MBIP: variants seen among roughly 807,000 people sequenced by gnomAD.
MBIP encodes the protein MAP3K12 binding inhibitory protein 1.
Under a neutral mutation model 45.7 loss-of-function variants are expected in MBIP, and 32 were observed. The ratio of observed to expected loss-of-function variants is 0.70; its 90% CI spans 0.53 to 0.94. The LOEUF is 0.94. MBIP is among the 40% of genes least tolerant of loss of function. The pLI is 0.00. For synonymous variants in MBIP, 145 were observed against 141.0 expected (o/e 1.03, Z -0.20); for missense variants, 381 against 405.5 (o/e 0.94, Z 0.52).
chr14:36,306,359 A>T (rs35977589), intron 7 of MBIP, among the ~76,000 whole-genome samples: 8,461 of 152,086 alleles, frequency 0.056, 764 homozygotes, highest in African/African-American at 0.19. Context: ...GGTTCAAGCG[A>T]TCCTCCTGCC....
intron 7 of MBIP, among the ~76,000 whole-genome samples, chr14:36,305,957 A>G (rs1365947622): frequency 6.6e-6 from 1 of 152,146 alleles, no homozygotes; most frequent in African/African-American, 2.4e-5. Flanking sequence ...CATCTAAGCT[A>G]GCATAATACT....
rs115960393 is a variant in MBIP at position 36,299,403 on chromosome 14, T to C, written c.928-213A>G. On this transcript the variant is annotated intron_variant, in intron 8 of 8. Transcript: ENST00000416007. The stretch of plus-strand genomic sequence containing the variant: ...AAATAACAAGGCTTAAATATTTCTT[T>C]TTCTCTTTTCTAATGACTAAGCTCT... Among the ~76,000 whole-genome samples, 1,350 of 152,198 alleles carry C rather than the reference T, an allele frequency of 8.9e-3. 27 individuals are homozygous for C. Among genetic ancestry groups the C allele is most frequent in the African/African-American group, 0.031 (1,300 of 41,502 alleles).
chr14:36,320,311 C>T, intron 1 of MBIP, 149 bp downstream of exon 1: 1 of 1,076,638 alleles, frequency 9.3e-7, no homozygotes. Context: ...ACCGAGGAGG[C>T]TGGGCCCGGG....
rs575342800 is a variant in MBIP at position 36,305,665 on chromosome 14, A to G, written c.888+2427T>C. On this transcript the variant is annotated intron_variant, in intron 7 of 8. Coordinates refer to ENST00000416007, the MANE Select transcript of MBIP (RefSeq NM_016586.3). ...ACTCTCACACTACACAGACTCTCCC[A>G]ATTGTCCCAAGTGTAAGTGCCGTAT... is the stretch of plus-strand genomic sequence containing the variant. Among the ~76,000 whole-genome samples, 11 of 152,208 alleles carry G rather than the reference A, an allele frequency of 7.2e-5. No individual in the cohort carries two copies. In the South Asian group the frequency reaches 1.0e-3, roughly 14 times the overall value.
chr14:36,301,341 C>G (rs1342240742), intron 7 of MBIP, among the ~76,000 whole-genome samples: 2 of 152,224 alleles, frequency 1.3e-5, no homozygotes, highest in Admixed American at 1.3e-4. Context: ...TGGCCCAAGC[C>G]AATGGCTTCC....
At chr14:36,316,007 T>C (rs1880546281) in intron 2 of MBIP, among the ~76,000 whole-genome samples, 1 of 152,120 alleles carries the variant, frequency 6.6e-6, no homozygotes, top group South Asian at 2.1e-4. Context: ...CAAACTTACA[T>C]CAATTATAAT....
intron 7 of MBIP, among the ~76,000 whole-genome samples, chr14:36,303,076 T>C: frequency 6.6e-6 from 1 of 152,258 alleles, no homozygotes; most frequent in Non-Finnish European, 1.5e-5. Context: ...TAGGCCAGTG[T>C]ACACATTCTG....
rs182650023 is a variant in MBIP at position 36,319,685 on chromosome 14, A to T, written c.129+775T>A. Reference sequence around the variant, plus strand: ...AAATGGTCTATGTAAGATAGAAAATATTTCCTTTTAAAAGGCAGGTAAACA... The same window carrying T: ...AAATGGTCTATGTAAGATAGAAAATTTTTCCTTTTAAAAGGCAGGTAAACA... On this transcript the variant is annotated intron_variant, in intron 1 of 8. Coordinates refer to ENST00000416007, the MANE Select transcript of MBIP (RefSeq NM_016586.3). The T allele has an allele frequency of 3.4e-3, 816 of 241,768 alleles. 3 individuals carry two copies. The highest frequency in any genetic ancestry group is 6.6e-3 in the Admixed American group (124 of 18,890). The allele number at this position is 241,768 out of a possible 1,614,324, so 15.0% of individuals were successfully genotyped here.
Position 36,314,667 on chromosome 14 carries a change from G to A in MBIP, c.474+24C>T, listed in dbSNP as rs150300355. On this transcript the variant is annotated intron_variant, in intron 3 of 8. Transcript: ENST00000416007. ...AGATTTTTTAAAATAATACCCTCTC[G>A]CCCCCGCCAAAAAACCTTCTTACTT... 1.1e-3 allele frequency: 1,759 copies of A among 1,606,872 alleles called. 19 individuals carry two copies. The African/African-American group carries it at 0.018, about 17-fold the overall frequency.
intron 7 of MBIP, among the ~76,000 whole-genome samples, chr14:36,307,177 C>T (rs145630681): frequency 9.2e-5 from 14 of 152,272 alleles, no homozygotes; most frequent in East Asian, 1.9e-4. Context: ...CCTTTTGTTA[C>T]GTGACCTGCC....
At chr14:36,307,657 G>A (rs989278917) in intron 7 of MBIP, among the ~76,000 whole-genome samples, 4 of 152,190 alleles carry the variant, frequency 2.6e-5, no homozygotes, top group Non-Finnish European at 5.9e-5. Flanking sequence ...GGCAGCTTGA[G>A]GTGTGTGTTT....
chr14:36,299,657 AAAG>A (rs1879418064), intron 8 of MBIP, among the ~76,000 whole-genome samples: 2 of 152,158 alleles, frequency 1.3e-5, no homozygotes, highest in Non-Finnish European at 2.9e-5. Context: ...TAAAAGTTGG[AAAG>A]AAGAAGAAAA....
At position 36,311,679 on chromosome 14, in the gene MBIP, T is replaced by C; in HGVS notation, c.684A>G (p.Gly228=). The change falls in exon 6 of 9, where the codon GGA becomes GGG. Residue 228 remains glycine (G), a synonymous_variant. Transcript: ENST00000416007. ...NTYGPQTRPE[G]IPGSGHKPNS... ...TAGGTTTATGACCTGACCCTGGAAT[T>C]CCTTCAGGTCTAGTCTGTGGTCCGT... is the stretch of plus-strand genomic sequence containing the variant. 1 of 1,613,358 alleles carries C rather than the reference T, an allele frequency of 6.2e-7. No homozygotes were observed. The highest frequency in any genetic ancestry group is 8.5e-7 in the Non-Finnish European group (1 of 1,179,460).
chr14:36,311,619 T>A lies in MBIP; in HGVS notation c.744A>T (p.Val248=). Residue 248 remains valine, a synonymous_variant, in exon 6 of 9, where the codon GTA becomes GTT. Coordinates refer to ENST00000416007, the MANE Select transcript of MBIP (RefSeq NM_016586.3). ...SMLRDCGNQA[V]EERLQNIEAH... ...CCTCAATATTTTGTAGTCGTTCTTCTACAGCCTGATTACCACAGTCTCGAA... is the reference window on the plus strand; with the variant it reads ...CCTCAATATTTTGTAGTCGTTCTTCAACAGCCTGATTACCACAGTCTCGAA... 1 of 1,613,550 alleles carries A rather than the reference T, an allele frequency of 6.2e-7. No individual in the cohort carries two copies. Among genetic ancestry groups the A allele is most frequent in the Non-Finnish European group, 8.5e-7 (1 of 1,179,606 alleles).
intron 1 of MBIP, among the ~76,000 whole-genome samples, chr14:36,319,161 T>G (rs536833949): frequency 2.9e-4 from 44 of 152,302 alleles, no homozygotes; most frequent in African/African-American, 1.1e-3. Flanking sequence ...TTGCTCAGTA[T>G]TTTTTAAAAA....
intron 7 of MBIP, among the ~76,000 whole-genome samples, chr14:36,302,800 C>A (rs1185553976): frequency 1.3e-5 from 2 of 152,188 alleles, no homozygotes; most frequent in African/African-American, 4.8e-5. Context: ...ATAAGGAAAT[C>A]TCAGTACAGT....
chr14:36,310,297 T>C (rs1299803311), intron 6 of MBIP, among the ~76,000 whole-genome samples: 1 of 152,220 alleles, frequency 6.6e-6, no homozygotes, highest in Admixed American at 6.5e-5. Context: ...ACTCCAGCTA[T>C]ACTGGATTCA....
Position 36,300,814 on chromosome 14 carries a change from C to T in MBIP, c.898G>A (p.Gly300Arg). The T allele has an allele frequency of 1.3e-6, 2 of 1,536,060 alleles. No individual in the cohort carries two copies. The highest frequency in any genetic ancestry group is 1.4e-5 in the African/African-American group (1 of 71,116). The change falls in exon 8 of 9, where the codon GGA (glycine) becomes AGA (arginine). Residue 300 changes from glycine (G) to arginine (R), a missense_variant. Transcript: ENST00000416007. ...PEYFQSVSFS[G>R]KRRKVQPPQQ... is the part of the protein sequence containing the mutation. ...GGTGGTTGAACTTTTCTTCTTTTTC[C>T]AGAAAAGCTCTAGATTAAAAAAAAA...
At chr14:36,300,566 C>A (rs144472067) in intron 8 of MBIP, among the ~76,000 whole-genome samples, 37 of 152,232 alleles carry the variant, frequency 2.4e-4, no homozygotes, top group African/African-American at 8.9e-4. Context: ...CTACTAAAAG[C>A]AGGACAAAGG....
Sources: allele counts gnomAD v4.1 joint callset (sites outside exome capture counted in the v4.1 genomes callset), GRCh38; gene constraint gnomAD v4.1.1; transcripts MANE v1.5; gene names NCBI Gene and HGNC (gene_info 2026-07-23, HGNC 2026-07-21).